The following ADAMTS6 variants were observed in gnomAD, a reference collection of about 807,000 sequenced individuals.
ADAMTS6 encodes ADAM metallopeptidase with thrombospondin type 1 motif 6, also known as A disintegrin and metalloproteinase with thrombospondin motifs 6.
Under a neutral mutation model 144.3 loss-of-function variants are expected in ADAMTS6, and 23 were observed. The observed-to-expected ratio is 0.16, with a 90% confidence interval of 0.11 to 0.23. ADAMTS6 has a LOEUF of 0.23. Ranked by LOEUF, ADAMTS6 falls within the 10% of genes least tolerant of loss-of-function variation. The probability of loss-of-function intolerance (pLI) is 1.00; values close to 1 mark genes in which losing one functional copy is unlikely to be tolerated. For synonymous variants in ADAMTS6, 444 were observed against 457.5 expected, an observed-to-expected ratio of 0.97 and a Z score of 0.38; for missense variants, 999 against 1,379.6, an observed-to-expected ratio of 0.72 and a Z score of 4.37.
At chr5:65,285,087 T>C (rs6876088) in intron 11 of ADAMTS6, among the ~76,000 whole-genome samples, 88,464 of 151,998 alleles carry the variant, frequency 0.58, 26,763 homozygotes, top group African/African-American at 0.76. Context: ...GATCACTTTA[T>C]AAAAGCCTTT....
intron 20 of ADAMTS6, chr5:65,210,356 C>T: frequency 6.2e-6 from 1 of 160,848 alleles, no homozygotes; most frequent in Non-Finnish European, 1.3e-5. Context: ...GAGGCTGAGG[C>T]AGGAGAATGG....
chr5:65,404,744 T>A (rs185400254), intron 7 of ADAMTS6, among the ~76,000 whole-genome samples: 26,940 of 152,190 alleles, frequency 0.18, 3,137 homozygotes, highest in African/African-American at 0.33. Flanking sequence ...ATGGTTGAAC[T>A]AGTTTACAGT....
chr5:65,291,525 A>G (rs1392731875), intron 10 of ADAMTS6, 55 bp from the exon 11 acceptor site: 31 of 1,517,492 alleles, frequency 2.0e-5, no homozygotes, highest in Non-Finnish European at 2.7e-5. Flanking sequence ...TATTTTAGTC[A>G]CAATTATGAA....
chr5:65,223,951 C>T (rs991594275), intron 18 of ADAMTS6, among the ~76,000 whole-genome samples: 16 of 151,930 alleles, frequency 1.1e-4, no homozygotes, highest in Admixed American at 6.6e-5. Flanking sequence ...AGGCGCCCAC[C>T]ACCACACCCA....
intron 7 of ADAMTS6, among the ~76,000 whole-genome samples, chr5:65,417,741 G>A (rs1424013871): frequency 6.6e-6 from 1 of 151,954 alleles, no homozygotes; most frequent in African/African-American, 2.4e-5. Context: ...TGACACAAAT[G>A]GGAAATATTC....
At chr5:65,278,998 T>C (rs1419147063) in intron 11 of ADAMTS6, among the ~76,000 whole-genome samples, 1 of 150,876 alleles carries the variant, frequency 6.6e-6, no homozygotes. Context: ...GGCTGAAGTG[T>C]AGTGGTGTGA....
At chr5:65,186,447 T>C (rs190678793) in intron 22 of ADAMTS6, among the ~76,000 whole-genome samples, 63 of 152,326 alleles carry the variant, frequency 4.1e-4, no homozygotes, top group Admixed American at 3.5e-3. Flanking sequence ...TGTTTAGTAA[T>C]CACTCAAACT....
intron 21 of ADAMTS6, among the ~76,000 whole-genome samples, 188 bp from the exon 22 acceptor site, chr5:65,188,408 G>C (rs1226705062): frequency 6.6e-6 from 1 of 152,184 alleles, no homozygotes; most frequent in Non-Finnish European, 1.5e-5. Flanking sequence ...CTAAAGTGTA[G>C]TGTGTGGACA....
chr5:65,237,419 G>GAAAATAAAATAAAATAAAAT lies in ADAMTS6; in HGVS notation c.1933+4684_1933+4685insATTTTATTTTATTTTATTTT, dbSNP rs59027594. 1.6e-3 allele frequency among the ~76,000 whole-genome samples: 225 copies of GAAAATAAAATAAAATAAAAT among 139,084 alleles called. 4 individuals carry two copies. Among genetic ancestry groups the GAAAATAAAATAAAATAAAAT allele is most frequent in the South Asian group, 7.4e-3 (33 of 4,486 alleles). 91.2% of individuals were successfully genotyped at this position (139,084 alleles called of 152,430 possible). A position where few individuals can be genotyped will look rare whatever the true frequency, so the allele number is the denominator to read the frequency against. The stretch of plus-strand genomic sequence containing the variant: ...AAAAAAAAAAAAGAAAACTCCACAA[G>GAAAATAAAATAAAATAAAAT]AAAATAAAATAAAATAAAACAACCA... On this transcript the variant is annotated intron_variant, in intron 15 of 24. Coordinates refer to ENST00000381055, the MANE Select transcript of ADAMTS6 (RefSeq NM_197941.4).
intron 9 of ADAMTS6, among the ~76,000 whole-genome samples, chr5:65,322,232 T>C (rs1745685053): frequency 6.6e-6 from 1 of 152,190 alleles, no homozygotes; most frequent in South Asian, 2.1e-4. Context: ...TCTATGTGTC[T>C]GTTCTTGTAC....
At chr5:65,385,365 GACA>G (rs1422344720) in intron 7 of ADAMTS6, among the ~76,000 whole-genome samples, 1 of 152,088 alleles carries the variant, frequency 6.6e-6, no homozygotes, top group Non-Finnish European at 1.5e-5. Context: ...CAAATATTCA[GACA>G]ACAATGACTG....
At chr5:65,328,031 T>C (rs1235253051) in intron 9 of ADAMTS6, among the ~76,000 whole-genome samples, 1 of 152,164 alleles carries the variant, frequency 6.6e-6, no homozygotes, top group Non-Finnish European at 1.5e-5. Flanking sequence ...TTTCCTTTTA[T>C]TCACCTGATG....
At chr5:65,191,381 A>G (rs1356561120) in intron 21 of ADAMTS6, among the ~76,000 whole-genome samples, 1 of 152,200 alleles carries the variant, frequency 6.6e-6, no homozygotes, top group Non-Finnish European at 1.5e-5. Context: ...AGAAATAATC[A>G]TCATAAAACC....
At chr5:65,172,506 G>T (rs533716382) in intron 23 of ADAMTS6, among the ~76,000 whole-genome samples, 1 of 152,196 alleles carries the variant, frequency 6.6e-6, no homozygotes, top group African/African-American at 2.4e-5. Context: ...TCAGTTGACA[G>T]CTGGGACTAG....
At chr5:65,162,341 T>C (rs1333108677) in intron 24 of ADAMTS6, among the ~76,000 whole-genome samples, 2 of 152,224 alleles carry the variant, frequency 1.3e-5, no homozygotes, top group Admixed American at 6.5e-5. Flanking sequence ...GCTTAATCTA[T>C]TGAATTAGGC....
Position 65,440,994 on chromosome 5 carries a change from C to T in ADAMTS6, c.1073+10481G>A, listed in dbSNP as rs1044044621. Among the ~76,000 whole-genome samples, 6 of 152,136 alleles carry T rather than the reference C, an allele frequency of 3.9e-5. 1 individual carries two copies. Among genetic ancestry groups the T allele is most frequent in the South Asian group, 2.1e-4 (1 of 4,814 alleles). Reference sequence around the variant, plus strand: ...ATGTCAGGCACCCAATCAAAGATCACGAAGTATGCAAAGAAGCAATAAAAT... The same window carrying T: ...ATGTCAGGCACCCAATCAAAGATCATGAAGTATGCAAAGAAGCAATAAAAT... On this transcript the variant is annotated intron_variant, in intron 7 of 24. Transcript: ENST00000381055.
chr5:65,316,364 GAT>G (rs1464801903), intron 9 of ADAMTS6, among the ~76,000 whole-genome samples: 1 of 151,812 alleles, frequency 6.6e-6, no homozygotes, highest in Non-Finnish European at 1.5e-5. Flanking sequence ...AAAACTGCAG[GAT>G]ACACATTCTA....
chr5:65,350,720 C>T (rs1418826099), intron 7 of ADAMTS6, among the ~76,000 whole-genome samples: 1 of 152,144 alleles, frequency 6.6e-6, no homozygotes, highest in African/African-American at 2.4e-5. Context: ...GTGGTGCGAT[C>T]TCAGCTCACT....
At chr5:65,162,491 G>T (rs993690257) in intron 24 of ADAMTS6, among the ~76,000 whole-genome samples, 4 of 152,036 alleles carry the variant, frequency 2.6e-5, no homozygotes, top group Admixed American at 2.6e-4. Context: ...TACCAAATGT[G>T]GGTTCAGATC....
Sources: allele counts gnomAD v4.1 joint callset (sites outside exome capture counted in the v4.1 genomes callset), GRCh38; gene constraint gnomAD v4.1.1; transcripts MANE v1.5; gene names NCBI Gene and HGNC (gene_info 2026-07-23, HGNC 2026-07-21).